TMEM132D: variants seen among roughly 807,000 people sequenced by gnomAD.
The protein encoded by TMEM132D is transmembrane protein 132D, also known as mature OL transmembrane protein.
A neutral mutation model predicts 62.3 loss-of-function variants in TMEM132D; 21 were observed. The ratio of observed to expected loss-of-function variants is 0.34; its 90% CI spans 0.24 to 0.49. The LOEUF (loss-of-function observed/expected upper bound fraction) is 0.49, where lower values mean the gene tolerates loss of function less well. Ranked by LOEUF, TMEM132D falls within the 20% of genes least tolerant of loss-of-function variation. TMEM132D has a pLI of 0.99. For missense variants in TMEM132D, 1,346 were observed against 1,402.8 expected (o/e 0.96, Z 0.65); for synonymous variants, 621 against 575.6 (o/e 1.08, Z -1.13).
At chr12:129,363,196 C>T (rs760599721) in intron 3 of TMEM132D, among the ~76,000 whole-genome samples, 5 of 152,126 alleles carry the variant, frequency 3.3e-5, no homozygotes, top group Non-Finnish European at 7.3e-5. Context: ...TTAGGGAAAG[C>T]GACATCACAG....
At chr12:129,764,562 G>C (rs181276624) in intron 1 of TMEM132D, among the ~76,000 whole-genome samples, 1,744 of 148,408 alleles carry the variant, frequency 0.012, 35 homozygotes, top group African/African-American at 0.041. Context: ...ACGTGTGTGT[G>C]CACGTGCATG....
At chr12:129,764,594 ATG>A (rs10542789) in intron 1 of TMEM132D, among the ~76,000 whole-genome samples, 143,008 of 151,672 alleles carry the variant, frequency 0.94, 67,613 homozygotes, top group Middle Eastern at 1. Context: ...GTGTGTTTGT[ATG>A]TGTGTGTGTG....
At chr12:129,410,278 G>C (rs545932243) in intron 3 of TMEM132D, among the ~76,000 whole-genome samples, 2 of 152,216 alleles carry the variant, frequency 1.3e-5, no homozygotes, top group Admixed American at 6.5e-5. Flanking sequence ...TGCAACATTA[G>C]TGTATTCGTC....
rs547973253 is a variant in TMEM132D at position 129,554,803 on chromosome 12, A to G, written c.969-23598T>C. 3.9e-5 allele frequency among the ~76,000 whole-genome samples: 6 copies of G among 152,304 alleles called. 1 individual carries two copies. The highest frequency in any genetic ancestry group is 1.2e-4 in the African/African-American group (5 of 41,564). On this transcript the variant is annotated intron_variant, in intron 2 of 8. Coordinates refer to ENST00000422113, the MANE Select transcript of TMEM132D (RefSeq NM_133448.3). ...AGGAGCACCAGGTGGGTCAGACTTGAGTCCAGCTTCCTACAACTTCTCAAA... is the reference window on the plus strand; with the variant it reads ...AGGAGCACCAGGTGGGTCAGACTTGGGTCCAGCTTCCTACAACTTCTCAAA...
intron 1 of TMEM132D, among the ~76,000 whole-genome samples, chr12:129,732,237 T>C (rs1331764904): frequency 1.3e-5 from 2 of 152,270 alleles, no homozygotes; most frequent in Non-Finnish European, 2.9e-5. Flanking sequence ...TCTGTTCTTT[T>C]TCCCTGTTCC....
intron 4 of TMEM132D, among the ~76,000 whole-genome samples, chr12:129,238,996 G>GGTTTTTTT (rs374959544): frequency 5.5e-4 from 73 of 133,024 alleles, no homozygotes; most frequent in South Asian, 7.0e-4. Context: ...GTTATTTTCT[G>GGTTTTTTT]TTTTTTTTTT....
At chr12:129,726,245 C>A (rs1869031701) in intron 1 of TMEM132D, among the ~76,000 whole-genome samples, 1 of 152,174 alleles carries the variant, frequency 6.6e-6, no homozygotes, top group South Asian at 2.1e-4. Flanking sequence ...TAAATCACAG[C>A]CATGAGTACG....
At position 129,275,967 on chromosome 12, in the gene TMEM132D, A is replaced by G. The variant is rs374880082; in HGVS notation, c.1299+61667T>C. Among the ~76,000 whole-genome samples the G allele has an allele frequency of 1.2e-4, 19 of 152,330 alleles. No homozygotes were observed. The East Asian group carries it at 2.9e-3, about 23-fold the overall frequency. ...AACAGCGTGGGCCATGCTGCAGTCCAGGCGTGTTTAGCAGGAGTTCAATCT... is the reference window on the plus strand; with the variant it reads ...AACAGCGTGGGCCATGCTGCAGTCCGGGCGTGTTTAGCAGGAGTTCAATCT... On this transcript the variant is annotated intron_variant, in intron 4 of 8. Transcript: ENST00000422113.
chr12:129,317,344 C>T (rs539552202), intron 4 of TMEM132D, among the ~76,000 whole-genome samples: 6 of 152,196 alleles, frequency 3.9e-5, no homozygotes, highest in Non-Finnish European at 5.9e-5. Flanking sequence ...TTGGTAATGG[C>T]GAAGTCTCTC....
intron 5 of TMEM132D, chr12:129,208,674 G>C (rs1414795019): frequency 3.3e-5 from 5 of 152,210 alleles, no homozygotes; most frequent in Admixed American, 2.6e-4. Context: ...CCGGAGCCTC[G>C]TGAAGCCCTT....
At chr12:129,392,389 G>A (rs188461267) in intron 3 of TMEM132D, among the ~76,000 whole-genome samples, 1 of 152,284 alleles carries the variant, frequency 6.6e-6, no homozygotes, top group East Asian at 1.9e-4. Context: ...GTTCCCAGCT[G>A]ACTGAACAAC....
chr12:129,455,460 T>G (rs999623238), intron 3 of TMEM132D, among the ~76,000 whole-genome samples: 1 of 152,128 alleles, frequency 6.6e-6, no homozygotes, highest in Non-Finnish European at 1.5e-5. Context: ...AACACAGATT[T>G]GAGGGGGAAG....
At chr12:129,130,015 C>CTGTGTGTGTG (rs59282376) in intron 5 of TMEM132D, among the ~76,000 whole-genome samples, 4,737 of 141,880 alleles carry the variant, frequency 0.033, 103 homozygotes, top group Middle Eastern at 0.063. Context: ...AAGCTCTGCT[C>CTGTGTGTGTG]TGTGTGTGTG....
chr12:129,261,793 C>A (rs112925547), intron 4 of TMEM132D, among the ~76,000 whole-genome samples: 1 of 152,116 alleles, frequency 6.6e-6, no homozygotes, highest in Non-Finnish European at 1.5e-5. Context: ...TGGATTAGGG[C>A]ATGCCAGTAT....
At chr12:129,144,562 C>T (rs931154264) in intron 5 of TMEM132D, among the ~76,000 whole-genome samples, 2 of 152,170 alleles carry the variant, frequency 1.3e-5, no homozygotes, top group Non-Finnish European at 2.9e-5. Flanking sequence ...TGAGGAGGCA[C>T]CTGGGACCAT....
intron 2 of TMEM132D, among the ~76,000 whole-genome samples, chr12:129,638,597 T>C (rs1436489320): frequency 2.1e-4 from 1 of 4,702 alleles, no homozygotes; most frequent in Non-Finnish European, 5.2e-4. Context: ...TATATATTTT[T>C]ATATATATAT....
At chr12:129,518,116 A>G (rs906957700) in intron 3 of TMEM132D, among the ~76,000 whole-genome samples, 3 of 152,156 alleles carry the variant, frequency 2.0e-5, no homozygotes, top group Admixed American at 2.0e-4. Flanking sequence ...AAACAATTTC[A>G]TTTTCTAATA....
At chr12:129,788,417 A>G (rs960326695) in intron 1 of TMEM132D, among the ~76,000 whole-genome samples, 4 of 152,216 alleles carry the variant, frequency 2.6e-5, no homozygotes, top group Admixed American at 1.3e-4. Flanking sequence ...TGTAAGAAAC[A>G]TAAAGAATAA....
chr12:129,138,134 G>A (rs1876639623), intron 5 of TMEM132D, among the ~76,000 whole-genome samples: 1 of 152,068 alleles, frequency 6.6e-6, no homozygotes, highest in South Asian at 2.1e-4. Flanking sequence ...CCCTCCCAGG[G>A]TAAAGAAGGG....
Sources: gnomAD v4.1 joint callset for allele counts (sites outside exome capture counted in the v4.1 genomes callset) on GRCh38, gnomAD v4.1.1 for gene constraint, MANE v1.5 for transcripts, NCBI Gene and HGNC (gene_info 2026-07-23, HGNC 2026-07-21) for gene names.